Variants in PRDM10 observed in about 807,000 individuals in gnomAD.
The protein encoded by PRDM10 is PR domain zinc finger protein 10.
PRDM10 carries 65 observed loss-of-function variants against 133.1 expected under a neutral mutation model. The ratio of observed to expected loss-of-function variants is 0.49; its 90% confidence interval spans 0.40 to 0.60. The LOEUF (loss-of-function observed/expected upper bound fraction) is 0.60. Among genes scored for constraint, PRDM10 ranks in the 20% least tolerant of loss-of-function variants. The pLI, the probability that PRDM10 is intolerant of heterozygous loss-of-function variation, is 0.00. For missense variants in PRDM10, 1,137 were observed against 1,507.1 expected (o/e 0.75, Z 4.07); for synonymous variants, 582 against 580.4 (o/e 1.00, Z -0.04).
In PRDM10 at chr11:129,946,127, C is replaced by T. The variant is rs1167486223; in HGVS notation, c.520+1018G>A. 3.3e-5 allele frequency among the ~76,000 whole-genome samples: 5 copies of T among 151,712 alleles called. No homozygotes were observed. The East Asian group carries it at 9.7e-4, about 29-fold the overall frequency. On this transcript the variant is annotated intron_variant, in intron 5 of 20. Transcript: ENST00000360871. ...GGCGTGGTGGTGCACATCTGTAGTCCCAACTACTCTACTCCGGAGGCTGAG... is the reference window on the plus strand; with the variant it reads ...GGCGTGGTGGTGCACATCTGTAGTCTCAACTACTCTACTCCGGAGGCTGAG...
rs887952967 is a variant in PRDM10, at chr11:129,945,519, G to A, written c.521-507C>T. Among the ~76,000 whole-genome samples the A allele has an allele frequency of 1.4e-4, 22 of 152,146 alleles. No individual in the cohort carries two copies. The highest frequency in any genetic ancestry group is 5.3e-4 in the African/African-American group (22 of 41,422). The stretch of plus-strand genomic sequence containing the variant: ...CTCAGCCTAACTCAAACGGAAAAAG[G>A]GTTGTGCGGTCTGAGAGTTCAGTGC... On this transcript the variant is annotated intron_variant, in intron 5 of 20. Transcript: ENST00000360871. The surrounding 1 kb of genome is among the most constrained non-coding windows in gnomAD (Gnocchi z 4.2).
At chr11:129,915,521 T>C in intron 16 of PRDM10, 139 bp downstream of exon 16, 1 of 962,164 alleles carries the variant, frequency 1.0e-6, no homozygotes, top group Non-Finnish European at 1.5e-6. Context: ...CTGTTTACAG[T>C]GACTAGGACA....
At chr11:129,942,319 TC>T in intron 7 of PRDM10, 106 bp downstream of exon 7, 1 of 1,113,402 alleles carries the variant, frequency 9.0e-7, no homozygotes, top group Non-Finnish European at 1.3e-6. Context: ...ATGACCCCCC[TC>T]CCCCTTTTTT....
At chr11:129,990,333 G>A (rs1180877702) in intron 1 of PRDM10, among the ~76,000 whole-genome samples, 2 of 151,160 alleles carry the variant, frequency 1.3e-5, no homozygotes, top group East Asian at 1.9e-4. Flanking sequence ...GTGACAGAGC[G>A]AGACTCCACC....
intron 1 of PRDM10, among the ~76,000 whole-genome samples, chr11:130,000,906 T>A (rs1243917857): frequency 6.6e-6 from 1 of 152,134 alleles, no homozygotes; most frequent in Non-Finnish European, 1.5e-5. Flanking sequence ...CAGCAGTTCG[T>A]AACCATCCTG....
intron 1 of PRDM10, among the ~76,000 whole-genome samples, chr11:130,001,428 C>T (rs952076322): frequency 4.6e-5 from 7 of 152,088 alleles, no homozygotes; most frequent in African/African-American, 1.7e-4. Flanking sequence ...TTAAGTACTG[C>T]TAAGTTTAGA....
intron 7 of PRDM10, among the ~76,000 whole-genome samples, chr11:129,938,746 A>T (rs1195652222): frequency 6.6e-6 from 1 of 152,240 alleles, no homozygotes; most frequent in Non-Finnish European, 1.5e-5. Flanking sequence ...ACACACAATC[A>T]GATCTTGTCA....
intron 13 of PRDM10, among the ~76,000 whole-genome samples, chr11:129,922,718 G>A (rs912275613): frequency 2.0e-5 from 3 of 152,038 alleles, no homozygotes; most frequent in Non-Finnish European, 4.4e-5. Flanking sequence ...TCCCCTGCAG[G>A]GTTTTGCTCG....
At chr11:129,922,788 T>G (rs1950555085) in intron 13 of PRDM10, among the ~76,000 whole-genome samples, 1 of 152,240 alleles carries the variant, frequency 6.6e-6, no homozygotes, top group Admixed American at 6.5e-5. Flanking sequence ...TTTGAGGTCA[T>G]TAACATTCTC....
At chr11:129,950,199 T>G (rs761651884) in intron 4 of PRDM10, among the ~76,000 whole-genome samples, 1 of 152,052 alleles carries the variant, frequency 6.6e-6, no homozygotes, top group African/African-American at 2.4e-5. Flanking sequence ...ATGGTGTCAC[T>G]CCAGCCTGGG....
chr11:129,928,533 G>T (rs1399261943), intron 11 of PRDM10, among the ~76,000 whole-genome samples: 1 of 152,094 alleles, frequency 6.6e-6, no homozygotes, highest in East Asian at 1.9e-4. Flanking sequence ...GAGACTACAG[G>T]TGCCTGCCAC....
intron 17 of PRDM10, among the ~76,000 whole-genome samples, chr11:129,914,022 T>C (rs1950273777): frequency 6.6e-6 from 1 of 152,172 alleles, no homozygotes; most frequent in Non-Finnish European, 1.5e-5. Flanking sequence ...CAATTTTTTT[T>C]TTTGAGTCCT....
chr11:129,929,425 AG>A, intron 11 of PRDM10: 1 of 1,563,006 alleles, frequency 6.4e-7, no homozygotes, highest in Non-Finnish European at 8.7e-7. Flanking sequence ...GCTCCAACTG[AG>A]CAGGCAGCAT....
rs1381669908 is a variant in PRDM10, at chr11:130,000,650, T to G, written c.-119+2072A>C. On this transcript the variant is annotated intron_variant, in intron 1 of 20. Transcript: ENST00000360871. ...TTGAAAAAGCAAAACAATTTTGCCT[T>G]GCAAAACGAGGAACAGCATAGCAGA... Among the ~76,000 whole-genome samples, 4 of 152,240 alleles carry G rather than the reference T, an allele frequency of 2.6e-5. No individual in the cohort carries two copies. In the East Asian group the frequency reaches 5.8e-4, roughly 22 times the overall value.
rs532173403 is a variant in PRDM10 at position 129,911,866 on chromosome 11, G to A, written c.2982+219C>T. Among the ~76,000 whole-genome samples, 130 of 152,284 alleles carry A rather than the reference G, an allele frequency of 8.5e-4. 3 individuals are homozygous for A. The South Asian group carries it at 0.025, about 29-fold the overall frequency. On this transcript the variant is annotated intron_variant, in intron 18 of 20. Coordinates refer to ENST00000360871, the MANE Select transcript of PRDM10 (RefSeq NM_199437.2). ...AGACCACTGTTGTTTCTAGGATGTCGTACCACAGGACTCTATGAGGGCAGA... is the reference window on the plus strand; with the variant it reads ...AGACCACTGTTGTTTCTAGGATGTCATACCACAGGACTCTATGAGGGCAGA...
At chr11:129,983,932 C>T (rs2135975708) in intron 1 of PRDM10, among the ~76,000 whole-genome samples, 1 of 152,262 alleles carries the variant, frequency 6.6e-6, no homozygotes, top group African/African-American at 2.4e-5. Context: ...GGAGGGAACC[C>T]GACATGAATG....
At chr11:130,002,042 G>A (rs1430968031) in intron 1 of PRDM10, among the ~76,000 whole-genome samples, 2 of 151,580 alleles carry the variant, frequency 1.3e-5, no homozygotes, top group Non-Finnish European at 2.9e-5. Context: ...CGCGGCCTCC[G>A]CAGACAAAGC....
rs754217867 is a variant in PRDM10, at chr11:129,957,849, C to T, written c.131G>A (p.Arg44His). The T allele has an allele frequency of 8.7e-6, 14 of 1,613,926 alleles. No homozygotes were observed. The highest frequency in any genetic ancestry group is 3.3e-5 in the Admixed American group (2 of 59,998). The stretch of plus-strand genomic sequence containing the variant: ...CGTGTACACCACCTGCTGTGGGGGG[C>T]GAACCTGGTCATCGGTATAGACAAT... Reference protein sequence around the residue: ...AQIVYTDDQVRPPQQVVYTAD... With the variant: ...AQIVYTDDQVHPPQQVVYTAD... Residue 44 changes from arginine to histidine, a missense_variant, in exon 3 of 21, where the codon CGC becomes CAC. Arg to His is a conservative substitution (Grantham distance 29, BLOSUM62 0). Coordinates refer to ENST00000360871, the MANE Select transcript of PRDM10 (RefSeq NM_199437.2).
rs757261827 is a variant in PRDM10, at chr11:129,915,770, C to G, written c.2416G>C (p.Ala806Pro). The change falls in exon 16 of 21, where the codon GCT becomes CCT. Residue 806 changes from alanine (A) to proline (P), a missense_variant. Around this residue, in one of 6 missense-constraint regions of PRDM10, gnomAD observed 65 missense variants for 151.1 expected, o/e 0.43. Coordinates refer to ENST00000360871, the MANE Select transcript of PRDM10 (RefSeq NM_199437.2). ...LPPSIRKLRP[A>P]GPGEPDPMLS... Reference sequence around the variant, plus strand: ...ATGGGGTCTGGCTCTCCAGGACCAGCGGGTCGGAGCTTCCGAATGCTCGGT... The same window carrying G: ...ATGGGGTCTGGCTCTCCAGGACCAGGGGGTCGGAGCTTCCGAATGCTCGGT... 1 of 1,614,122 alleles carries G rather than the reference C, an allele frequency of 6.2e-7. No homozygotes were observed. The highest frequency in any genetic ancestry group is 1.1e-5 in the South Asian group (1 of 91,076).
Sources: gnomAD v4.1 joint callset for allele counts (sites outside exome capture counted in the v4.1 genomes callset) on GRCh38, gnomAD v4.1.1 for gene constraint, gnomAD v4.1.1 regional missense constraint, Gnocchi (gnomAD v3.1) non-coding constraint, MANE v1.5 for transcripts, NCBI Gene and HGNC (gene_info 2026-07-23, HGNC 2026-07-21) for gene names.